IGSF11: variants seen among roughly 807,000 people sequenced by gnomAD.
IGSF11 encodes CXADR like 1.
In IGSF11, 22 loss-of-function variants were observed where a neutral mutation model predicts 41.0. The observed-to-expected ratio is 0.54, with a 90% CI of 0.38 to 0.77. The LOEUF (loss-of-function observed/expected upper bound fraction) is 0.77. Ranked by LOEUF, IGSF11 falls within the 30% of genes least tolerant of loss-of-function variation. IGSF11 has a pLI of 0.00. For missense variants in IGSF11, 444 were observed against 530.8 expected (o/e 0.84, Z 1.61); for synonymous variants, 219 against 201.3 (o/e 1.09, Z -0.74).
chr3:118,978,009 T>TACAG lies in IGSF11; in HGVS notation c.53-47738_53-47735dup, dbSNP rs1934311490. ...TTCCACTGCCCACAACCACTGCAGC[T>TACAG]ACAGACTGCTGTGGGCTGAGGTGCA... On this transcript the variant is annotated intron_variant, in intron 1 of 6. Transcript: ENST00000393775. 2.0e-5 allele frequency among the ~76,000 whole-genome samples: 3 copies of TACAG among 152,120 alleles called. No individual in the cohort carries two copies. The South Asian group carries it at 6.2e-4, about 32-fold the overall frequency.
chr3:119,004,544 A>C (rs1165569801), intron 1 of IGSF11, among the ~76,000 whole-genome samples: 1 of 138,138 alleles, frequency 7.2e-6, no homozygotes, highest in Non-Finnish European at 1.5e-5. Context: ...AGTTCTTTTA[A>C]TTGTGATGTT....
At chr3:119,074,594 A>G (rs1229247456) in intron 1 of IGSF11, among the ~76,000 whole-genome samples, 1 of 151,286 alleles carries the variant, frequency 6.6e-6, no homozygotes, top group Non-Finnish European at 1.5e-5. Flanking sequence ...GAGATTACAT[A>G]CCTGTAATCC....
chr3:119,058,718 C>T (rs1941946618), intron 1 of IGSF11, among the ~76,000 whole-genome samples: 1 of 152,128 alleles, frequency 6.6e-6, no homozygotes. Context: ...AGACTTGGAA[C>T]CAACCCAAAT....
intron 1 of IGSF11, among the ~76,000 whole-genome samples, chr3:119,001,462 GTTTTCTT>G (rs924280640): frequency 3.2e-5 from 4 of 123,584 alleles, no homozygotes; most frequent in African/African-American, 1.2e-4. Flanking sequence ...CTGGCCCCAG[GTTTTCTT>G]TTTTTTTTTT....
At chr3:118,985,960 T>C (rs995446747) in intron 1 of IGSF11, among the ~76,000 whole-genome samples, 8 of 152,136 alleles carry the variant, frequency 5.3e-5, no homozygotes, top group Non-Finnish European at 1.2e-4. Flanking sequence ...ATAAGTCAAG[T>C]TTCTCAGCAC....
At chr3:118,903,577 C>T (rs1311238273) in intron 6 of IGSF11, among the ~76,000 whole-genome samples, 1 of 152,110 alleles carries the variant, frequency 6.6e-6, no homozygotes. Context: ...AGGTTTTCCT[C>T]AGTAATCTTA....
intron 1 of IGSF11, among the ~76,000 whole-genome samples, chr3:119,085,773 G>A (rs1291181742): frequency 6.6e-6 from 1 of 152,220 alleles, no homozygotes; most frequent in African/African-American, 2.4e-5. Flanking sequence ...CAGCAGAACA[G>A]AGCAAGCTAA....
chr3:119,078,990 A>AAGAAATGCAAATCACTAAATGCAC (rs1414673424), intron 1 of IGSF11, among the ~76,000 whole-genome samples: 2 of 152,152 alleles, frequency 1.3e-5, no homozygotes, highest in African/African-American at 4.8e-5. Context: ...TCACATCACT[A>AAGAAATGCAAATCACTAAATGCAC]ATCATTAAAG....
chr3:119,144,361 T>C (rs904182532), intron 1 of IGSF11, among the ~76,000 whole-genome samples: 2 of 152,226 alleles, frequency 1.3e-5, no homozygotes, highest in Non-Finnish European at 2.9e-5. Context: ...ATACACATTC[T>C]TTCCATGGAA....
chr3:118,903,590 C>G (rs1297196918), intron 6 of IGSF11, among the ~76,000 whole-genome samples: 8 of 152,092 alleles, frequency 5.3e-5, no homozygotes, highest in Non-Finnish European at 1.2e-4. Flanking sequence ...TAATCTTATC[C>G]TGGGGTAGAC....
At chr3:118,929,967 C>A in intron 2 of IGSF11, 145 bp downstream of exon 2, 1 of 626,984 alleles carries the variant, frequency 1.6e-6, no homozygotes, top group South Asian at 3.0e-5. Context: ...ACTGATAGGG[C>A]AGAGGAGTAG....
At chr3:119,128,995 A>G (rs2077440842) in intron 1 of IGSF11, among the ~76,000 whole-genome samples, 1 of 152,344 alleles carries the variant, frequency 6.6e-6, no homozygotes, top group Non-Finnish European at 1.5e-5. Flanking sequence ...AAAAAATGAG[A>G]TCGTGTCCTT....
intron 1 of IGSF11, among the ~76,000 whole-genome samples, chr3:119,113,173 C>T (rs1420129964): frequency 6.6e-6 from 1 of 152,114 alleles, no homozygotes; most frequent in Non-Finnish European, 1.5e-5. Flanking sequence ...GACAGAAATA[C>T]AAAACATATC....
intron 1 of IGSF11, among the ~76,000 whole-genome samples, chr3:119,127,988 G>A (rs964313949): frequency 2.6e-5 from 4 of 152,122 alleles, no homozygotes; most frequent in Non-Finnish European, 5.9e-5. Context: ...TGAAGAAACT[G>A]CATCAACTAG....
rs1259301332 is a variant in IGSF11 at position 118,928,574 on chromosome 3, C to T, written c.359G>A (p.Cys120Tyr). The change falls in exon 3 of 7, where the codon TGC becomes TAC. Residue 120 changes from cysteine (C) to tyrosine (Y), a missense_variant. Physicochemically the swap from Cys to Tyr is radical, Grantham distance 194 (BLOSUM62 -2). This residue lies in a region of IGSF11 where 193 missense variants were observed against 283.5 expected (regional missense o/e 0.68). Coordinates refer to ENST00000393775, the MANE Select transcript of IGSF11 (RefSeq NM_001015887.3). ...TQLSDTGTYQ[C>Y]LVNNLPDIGG... ...TATGTCTGGAAGGTTGTTGACCAGG[C>T]ACTGGTAGGTGCCAGTGTCTGATAA... The T allele has an allele frequency of 6.2e-7, 1 of 1,613,870 alleles. No homozygotes were observed.
intron 1 of IGSF11, among the ~76,000 whole-genome samples, chr3:119,100,871 G>A (rs1006717686): frequency 3.3e-5 from 5 of 152,276 alleles, no homozygotes; most frequent in South Asian, 2.1e-4. Flanking sequence ...TATGTAAATC[G>A]AAAGTCATGG....
rs1372203075 is a variant in IGSF11 at position 119,002,397 on chromosome 3, G to A, written c.52+32134C>T. 8.3e-4 allele frequency among the ~76,000 whole-genome samples: 125 copies of A among 150,774 alleles called. 2 individuals carry two copies. Among genetic ancestry groups the A allele is most frequent in the Admixed American group, 7.5e-3 (113 of 15,160 alleles). On this transcript the variant is annotated intron_variant, in intron 1 of 6. Transcript: ENST00000393775. ...GCCCTTTGTCAGATGAGTAGGTTGT[G>A]AAAATTTTCTCCCATGTTGTAGGTT...
At chr3:119,102,132 C>T (rs1211145122) in intron 1 of IGSF11, among the ~76,000 whole-genome samples, 2 of 152,082 alleles carry the variant, frequency 1.3e-5, no homozygotes, top group Non-Finnish European at 2.9e-5. Context: ...ACCTTAATTC[C>T]ACATTTAATC....
chr3:118,910,886 A>G (rs1276635064), intron 4 of IGSF11, among the ~76,000 whole-genome samples: 2 of 152,174 alleles, frequency 1.3e-5, no homozygotes, highest in African/African-American at 4.8e-5. Flanking sequence ...CCTTTTCCCT[A>G]CAAAGTTCTT....
Sources: gnomAD v4.1 joint callset for allele counts (sites outside exome capture counted in the v4.1 genomes callset) on GRCh38, gnomAD v4.1.1 for gene constraint, gnomAD v4.1.1 regional missense constraint, MANE v1.5 for transcripts, NCBI Gene and HGNC (gene_info 2026-07-23, HGNC 2026-07-21) for gene names.